The following PRKCH variants were observed in gnomAD, a reference collection of about 807,000 sequenced individuals.
PRKCH encodes the protein protein kinase C eta type.
In PRKCH, 28 loss-of-function variants were observed where a neutral mutation model predicts 82.5. That is an observed-to-expected ratio of 0.34 (90% CI 0.25 to 0.47). The LOEUF (loss-of-function observed/expected upper bound fraction) is 0.47. Ranked by LOEUF, PRKCH falls within the 20% of genes least tolerant of loss-of-function variation. The pLI is 1.00. For synonymous variants in PRKCH, 322 were observed against 327.4 expected, an observed-to-expected ratio of 0.98 and a Z score of 0.18; for missense variants, 705 against 881.8, an observed-to-expected ratio of 0.80 and a Z score of 2.54.
intron 10 of PRKCH, among the ~76,000 whole-genome samples, chr14:61,506,841 C>A (rs189447325): frequency 1.4e-3 from 212 of 152,280 alleles, no homozygotes; most frequent in Non-Finnish European, 1.9e-3. Flanking sequence ...AGACTGTTTT[C>A]TTTGAAGGTG....
intron 2 of PRKCH, among the ~76,000 whole-genome samples, chr14:61,413,238 C>T (rs865836459): frequency 2.0e-5 from 3 of 152,018 alleles, no homozygotes; most frequent in African/African-American, 7.3e-5. Flanking sequence ...TGCAATCTTT[C>T]GTGTGACCGT....
intron 1 of PRKCH, among the ~76,000 whole-genome samples, chr14:61,227,341 T>A (rs2044704498): frequency 1.3e-5 from 2 of 152,186 alleles, no homozygotes; most frequent in Admixed American, 1.3e-4. Flanking sequence ...ACGCCTGTAA[T>A]CCCAGCCCTT....
At chr14:61,339,416 C>T (rs540937029) in intron 1 of PRKCH, among the ~76,000 whole-genome samples, 4 of 150,266 alleles carry the variant, frequency 2.7e-5, no homozygotes, top group Non-Finnish European at 4.4e-5. Flanking sequence ...CTTTGCCTCC[C>T]GGGTTCACGC....
chr14:61,240,760 C>T lies in PRKCH; in HGVS notation c.-19+53092C>T, dbSNP rs146399694. 2.0e-3 allele frequency among the ~76,000 whole-genome samples: 307 copies of T among 152,204 alleles called. 4 individuals carry two copies. Among genetic ancestry groups the T allele is most frequent in the Non-Finnish European group, 1.8e-3 (121 of 68,022 alleles). On this transcript the variant is annotated intron_variant, in intron 1 of 3. Coordinates refer to the PRKCH transcript ENST00000555185. ...TATTTATCACCCTCCACCCATTTGT[C>T]CTTTTTACCCAAAATCACATGTTCC...
In PRKCH at chr14:61,435,066, G is replaced by C. The variant is rs569611588; in HGVS notation, c.428-8045G>C. The stretch of plus-strand genomic sequence containing the variant: ...AGCCATCAGCCAGTGAGGAATGGGA[G>C]CCAGAGGATAAATAACCCAACTTCC... On this transcript the variant is annotated intron_variant, in intron 2 of 13. Transcript: ENST00000332981. Among the ~76,000 whole-genome samples the C allele has an allele frequency of 3.3e-5, 5 of 152,260 alleles. No homozygotes were observed. In the East Asian group the frequency reaches 9.7e-4, roughly 29 times the overall value.
At chr14:61,547,537 G>C (rs1027618453) in intron 12 of PRKCH, among the ~76,000 whole-genome samples, 2 of 152,182 alleles carry the variant, frequency 1.3e-5, no homozygotes, top group African/African-American at 4.8e-5. Context: ...ATGGAAGTGG[G>C]AAAAGCCATA....
In PRKCH at chr14:61,530,653, G is replaced by T. The variant is rs2043034521; in HGVS notation, c.1761+58G>T. On this transcript the variant is annotated intron_variant, in intron 12 of 13. Coordinates refer to ENST00000332981, the MANE Select transcript of PRKCH (RefSeq NM_006255.5). ...TATTGCAAACCAGCTTGTTTCATGT[G>T]CTGCTTGAGTCTTTTCAGTACTTCC... is the stretch of plus-strand genomic sequence containing the variant. 10 of 1,504,090 alleles carry T rather than the reference G, an allele frequency of 6.6e-6. No homozygotes were observed. The South Asian group carries it at 1.3e-4, about 20-fold the overall frequency. The allele number at this position is 1,504,090 out of a possible 1,614,324, so 93.2% of individuals were successfully genotyped here. A position where few individuals can be genotyped will look rare whatever the true frequency, so the allele number is the denominator to read the frequency against.
intron 2 of PRKCH, among the ~76,000 whole-genome samples, chr14:61,438,444 A>G (rs771918140): frequency 6.6e-6 from 1 of 152,212 alleles, no homozygotes. Flanking sequence ...ATTTGCTTAC[A>G]ATCATTTTAA....
chr14:61,335,622 T>G lies in PRKCH; in HGVS notation c.363+13158T>G, dbSNP rs1341953136. On this transcript the variant is annotated intron_variant, in intron 1 of 13. Coordinates refer to ENST00000332981, the MANE Select transcript of PRKCH (RefSeq NM_006255.5). ...TGCCAAAACTAGATATAATTGATTC[T>G]TGCTTAATTCTGAAAGCTCATTTAC... 2.0e-5 allele frequency among the ~76,000 whole-genome samples: 3 copies of G among 152,244 alleles called. No individual in the cohort carries two copies. The East Asian group carries it at 5.8e-4, about 29-fold the overall frequency.
At chr14:61,200,840 T>C (rs2044475901) in intron 1 of PRKCH, among the ~76,000 whole-genome samples, 1 of 152,192 alleles carries the variant, frequency 6.6e-6, no homozygotes, top group Non-Finnish European at 1.5e-5. Flanking sequence ...ATCATAGGTA[T>C]GTATGTACAG....
chr14:61,472,411 G>A (rs1446957198), intron 9 of PRKCH, among the ~76,000 whole-genome samples: 1 of 152,216 alleles, frequency 6.6e-6, no homozygotes, highest in Non-Finnish European at 1.5e-5. Flanking sequence ...CATCCTGTGT[G>A]TGGTACATGT....
chr14:61,515,232 C>T (rs2042805824), intron 10 of PRKCH, among the ~76,000 whole-genome samples: 1 of 152,194 alleles, frequency 6.6e-6, no homozygotes. Context: ...TTGTGAAGTA[C>T]AGATACTGTT....
At chr14:61,523,999 C>T (rs1219654343) in intron 10 of PRKCH, among the ~76,000 whole-genome samples, 1 of 152,194 alleles carries the variant, frequency 6.6e-6, no homozygotes, top group African/African-American at 2.4e-5. Flanking sequence ...ATTCTCCCTA[C>T]TTTTGTCTGT....
intron 1 of PRKCH, among the ~76,000 whole-genome samples, chr14:61,323,081 TAGTC>T (rs1164033143): frequency 7.9e-5 from 12 of 152,088 alleles, no homozygotes; most frequent in Non-Finnish European, 1.3e-4. Flanking sequence ...GCAAGTAACT[TAGTC>T]AGTCCGAGGT....
chr14:61,547,662 G>T, intron 12 of PRKCH, 81 bp from the exon 13 acceptor site: 3 of 1,525,896 alleles, frequency 2.0e-6, no homozygotes, highest in Non-Finnish European at 2.7e-6. Context: ...CAGCTCCTCT[G>T]CCATGGCTGA....
chr14:61,245,174 T>C (rs1253113526), intron 1 of PRKCH, among the ~76,000 whole-genome samples: 1 of 152,074 alleles, frequency 6.6e-6, no homozygotes, highest in Admixed American at 6.6e-5. Context: ...AGCTTGCAAA[T>C]CAATTTGGAA....
intron 9 of PRKCH, among the ~76,000 whole-genome samples, chr14:61,459,877 C>G (rs1299896207): frequency 6.6e-6 from 1 of 152,166 alleles, no homozygotes; most frequent in Non-Finnish European, 1.5e-5. Flanking sequence ...GACAGGGTCT[C>G]ACTTTGTCAC....
At chr14:61,198,415 C>T (rs1157366927) in intron 1 of PRKCH, among the ~76,000 whole-genome samples, 1 of 152,224 alleles carries the variant, frequency 6.6e-6, no homozygotes, top group Non-Finnish European at 1.5e-5. Flanking sequence ...ACTCGTCAAG[C>T]AAACTCCTAC....
chr14:61,196,123 A>C (rs2044440687), intron 1 of PRKCH, among the ~76,000 whole-genome samples: 1 of 152,192 alleles, frequency 6.6e-6, no homozygotes, highest in South Asian at 2.1e-4. Context: ...TCCTTAAAAT[A>C]GCCTATTAAA....
Sources: gnomAD v4.1 joint callset for allele counts (sites outside exome capture counted in the v4.1 genomes callset) on GRCh38, gnomAD v4.1.1 for gene constraint, MANE v1.5 for transcripts, NCBI Gene and HGNC (gene_info 2026-07-23, HGNC 2026-07-21) for gene names.